Variants in TLK1 observed in about 807,000 individuals in gnomAD.
TLK1 encodes the protein tousled like kinase 1.
In TLK1, 24 loss-of-function variants were observed where a neutral mutation model predicts 105.3. The observed-to-expected ratio is 0.23, with a 90% CI of 0.17 to 0.32. TLK1 has a LOEUF of 0.32. Ranked by LOEUF, TLK1 falls within the 10% of genes least tolerant of loss-of-function variation. TLK1 has a pLI of 1.00. For synonymous variants in TLK1, 321 were observed against 310.4 expected (o/e 1.03, Z -0.36); for missense variants, 558 against 910.5 (o/e 0.61, Z 4.98).
At chr2:171,026,011 T>TTAC (rs1461321156) in intron 12 of TLK1, among the ~76,000 whole-genome samples, 2 of 152,136 alleles carry the variant, frequency 1.3e-5, no homozygotes, top group African/African-American at 4.8e-5. Flanking sequence ...TGTTTCAGCA[T>TTAC]TACTGTTAAT....
chr2:171,075,604 CAG>C (rs1688464390), intron 3 of TLK1, among the ~76,000 whole-genome samples: 2 of 152,040 alleles, frequency 1.3e-5, no homozygotes, highest in Non-Finnish European at 2.9e-5. Context: ...CACGTATAAA[CAG>C]ACATAACTGT....
At chr2:171,078,542 G>GA (rs374748920) in intron 3 of TLK1, among the ~76,000 whole-genome samples, 3,391 of 140,382 alleles carry the variant, frequency 0.024, 57 homozygotes, top group Non-Finnish European at 0.035. Context: ...GTCTCAAAAA[G>GA]AAAAAAAAAA....
chr2:171,021,540 T>C (rs1206302211), intron 12 of TLK1, among the ~76,000 whole-genome samples: 6 of 150,510 alleles, frequency 4.0e-5, no homozygotes, highest in Admixed American at 4.0e-4. Flanking sequence ...AGTGCTGGGA[T>C]TACAGGCATG....
chr2:171,016,770 A>G (rs533103291), intron 12 of TLK1, among the ~76,000 whole-genome samples: 1 of 152,218 alleles, frequency 6.6e-6, no homozygotes, highest in South Asian at 2.1e-4. Flanking sequence ...AAAACAAATT[A>G]TATCTCTAAA....
At chr2:171,210,421 C>T (rs1405338505) in intron 1 of TLK1, among the ~76,000 whole-genome samples, 2 of 151,976 alleles carry the variant, frequency 1.3e-5, no homozygotes, top group African/African-American at 4.8e-5. Flanking sequence ...CAGCCATGGT[C>T]AGTATCTTCC....
rs1192935587 is a variant in TLK1 at position 171,160,846 on chromosome 2, G to A, written c.-418C>T. On this transcript the variant is annotated 5_prime_UTR_variant, in exon 1 of 21. Transcript: ENST00000431350. The surrounding 1 kb of genome is among the most constrained non-coding windows in gnomAD (Gnocchi z 4.4). ...GGCCCCCGGCGTCGCCCGGGAGGCGGCGGCGGCGGGCTGTGGGTGGCGGCT... is the reference window on the plus strand; with the variant it reads ...GGCCCCCGGCGTCGCCCGGGAGGCGACGGCGGCGGGCTGTGGGTGGCGGCT... 3.1e-6 allele frequency: 1 copy of A among 320,956 alleles called. No individual in the cohort carries two copies. Among genetic ancestry groups the A allele is most frequent in the Non-Finnish European group, 5.6e-6 (1 of 178,574 alleles). The allele number at this position is 320,956 out of a possible 1,614,324, so 19.9% of individuals were successfully genotyped here.
Position 171,168,579 on chromosome 2 carries a change from C to G in TLK1, c.-5-50722G>C, listed in dbSNP as rs996296558. ...ATGGATTTGTCATAATTCAATGAAC[C>G]ATGAATCACTGAATCATAAAAAGAA... On this transcript the variant is annotated intron_variant, in intron 1 of 20. Coordinates refer to the TLK1 transcript ENST00000521943. Among the ~76,000 whole-genome samples, 10 of 151,654 alleles carry G rather than the reference C, an allele frequency of 6.6e-5. No homozygotes were observed. The East Asian group carries it at 1.4e-3, about 21-fold the overall frequency.
In TLK1 at chr2:171,041,865, C is replaced by T. The variant is rs139439356; in HGVS notation, c.1169+4309G>A. ...AGATATTCTGCACACAAGCCAAAGC[C>T]ATTTTCATTAAACAATGAATCAAAA... On this transcript the variant is annotated intron_variant, in intron 11 of 20. Coordinates refer to ENST00000431350, the MANE Select transcript of TLK1 (RefSeq NM_012290.5). 2.0e-3 allele frequency among the ~76,000 whole-genome samples: 304 copies of T among 152,222 alleles called. 5 individuals are homozygous for T. The highest frequency in any genetic ancestry group is 6.7e-3 in the African/African-American group (278 of 41,546).
At chr2:171,014,349 G>A (rs963212304) in intron 13 of TLK1, among the ~76,000 whole-genome samples, 8 of 151,286 alleles carry the variant, frequency 5.3e-5, no homozygotes, top group Non-Finnish European at 1.0e-4. Context: ...ATTAAAAGAG[G>A]AAATGAAGAA....
chr2:171,179,834 C>T (rs1376864841), intron 1 of TLK1, among the ~76,000 whole-genome samples: 3 of 152,086 alleles, frequency 2.0e-5, no homozygotes, highest in Non-Finnish European at 4.4e-5. Flanking sequence ...TGGCTCACAC[C>T]TGCAATCCCA....
At chr2:171,161,380 G>A (rs1485466935), upstream of TLK1, among the ~76,000 whole-genome samples, 1 of 152,154 alleles carries the variant, frequency 6.6e-6, no homozygotes, top group Non-Finnish European at 1.5e-5. Flanking sequence ...AAAGTTGAGA[G>A]TTCCTTCTTT....
intron 4 of TLK1, chr2:171,059,887 G>T: frequency 9.5e-7 from 1 of 1,049,218 alleles, no homozygotes; most frequent in Non-Finnish European, 1.5e-6. Flanking sequence ...ACAGGAGGCC[G>T]AGCTTAGGCG....
At chr2:171,207,929 G>T (rs1426514912) in intron 1 of TLK1, among the ~76,000 whole-genome samples, 1 of 152,008 alleles carries the variant, frequency 6.6e-6, no homozygotes, top group East Asian at 1.9e-4. Context: ...GTTTCACCAT[G>T]TTGGTCAGGC....
rs1683822017 is a variant in TLK1 at position 170,992,411 on chromosome 2, G to A, written c.*1369C>T. ...TGACAATAAAGAAAAAGTCCTTACA[G>A]GAGTGAAATACAGCATCCTGAAAAA... On this transcript the variant is annotated 3_prime_UTR_variant, in exon 21 of 21. Coordinates refer to ENST00000431350, the MANE Select transcript of TLK1 (RefSeq NM_012290.5). 1 of 152,532 alleles carries A rather than the reference G, an allele frequency of 6.6e-6. No homozygotes were observed. 9.4% of individuals were successfully genotyped at this position (152,532 alleles called of 1,614,324 possible).
chr2:171,128,075 CT>C (rs937356882), intron 1 of TLK1, among the ~76,000 whole-genome samples: 2 of 152,068 alleles, frequency 1.3e-5, no homozygotes, highest in African/African-American at 2.4e-5. Flanking sequence ...TTCACCTAAT[CT>C]TTTTAATATA....
At chr2:171,139,410 C>T (rs1011540406) in intron 1 of TLK1, among the ~76,000 whole-genome samples, 3 of 151,814 alleles carry the variant, frequency 2.0e-5, no homozygotes, top group South Asian at 2.1e-4. Flanking sequence ...CCAGCCTGGA[C>T]GACAAGGCGA....
intron 5 of TLK1, among the ~76,000 whole-genome samples, chr2:171,057,439 C>T (rs911261797): frequency 4.6e-5 from 7 of 151,978 alleles, no homozygotes; most frequent in African/African-American, 1.4e-4. Flanking sequence ...TTGAATTCAT[C>T]GTACCTTTGG....
chr2:171,060,729 CT>C (rs1257225550), intron 4 of TLK1, among the ~76,000 whole-genome samples: 2 of 151,616 alleles, frequency 1.3e-5, no homozygotes, highest in South Asian at 2.1e-4. Context: ...TTTTGATAGC[CT>C]TTTTTTTAAA....
intron 3 of TLK1, among the ~76,000 whole-genome samples, chr2:171,068,588 C>T (rs1688120434): frequency 1.3e-5 from 2 of 152,164 alleles, no homozygotes; most frequent in South Asian, 4.2e-4. Flanking sequence ...ATCTCCAGTC[C>T]AAATTTAACC....
Sources: gnomAD v4.1 joint callset for allele counts (sites outside exome capture counted in the v4.1 genomes callset) on GRCh38, gnomAD v4.1.1 for gene constraint, Gnocchi (gnomAD v3.1) non-coding constraint, MANE v1.5 for transcripts, NCBI Gene and HGNC (gene_info 2026-07-23, HGNC 2026-07-21) for gene names.